Variants in CLSTN2 observed in about 807,000 individuals in gnomAD.
CLSTN2 encodes calsyntenin 2, also known as calsyntenin-2.
CLSTN2 carries 48 observed loss-of-function variants against 101.2 expected under a neutral mutation model. The observed-to-expected ratio is 0.47, with a 90% CI of 0.38 to 0.60. The LOEUF (loss-of-function observed/expected upper bound fraction) is 0.60. Among genes scored for constraint, CLSTN2 ranks in the 20% least tolerant of loss-of-function variants. The probability of loss-of-function intolerance (pLI) is 0.00; values close to 1 mark genes in which losing one functional copy is unlikely to be tolerated. For missense variants in CLSTN2, 1,160 were observed against 1,238.2 expected (o/e 0.94, Z 0.95); for synonymous variants, 481 against 463.6 (o/e 1.04, Z -0.48).
chr3:140,465,951 T>C (rs1933689661), intron 7 of CLSTN2, among the ~76,000 whole-genome samples: 1 of 152,224 alleles, frequency 6.6e-6, no homozygotes, highest in Non-Finnish European at 1.5e-5. Flanking sequence ...CCAGGATCCA[T>C]GACACGAAAT....
intron 1 of CLSTN2, among the ~76,000 whole-genome samples, chr3:139,936,771 A>G (rs187332690): frequency 1.3e-5 from 2 of 152,328 alleles, no homozygotes; most frequent in Non-Finnish European, 2.9e-5. Flanking sequence ...TGAGAAGAAC[A>G]TGGGAGATTA....
intron 10 of CLSTN2, among the ~76,000 whole-genome samples, chr3:140,552,170 T>C (rs1404612211): frequency 6.6e-6 from 1 of 152,110 alleles, no homozygotes; most frequent in African/African-American, 2.4e-5. Flanking sequence ...GTCGAATCTC[T>C]AAGAGAAGTC....
At chr3:140,222,186 G>A (rs556998968) in intron 2 of CLSTN2, among the ~76,000 whole-genome samples, 1 of 152,088 alleles carries the variant, frequency 6.6e-6, no homozygotes, top group East Asian at 1.9e-4. Flanking sequence ...TGGAACTGGA[G>A]GTCATTATGT....
chr3:140,026,143 G>GCA (rs1411376381), intron 1 of CLSTN2, among the ~76,000 whole-genome samples: 1 of 152,128 alleles, frequency 6.6e-6, no homozygotes, highest in African/African-American at 2.4e-5. Context: ...TCAAACCTCT[G>GCA]CACTTTAGTA....
In CLSTN2 at chr3:140,427,214, T is replaced by C. The variant is rs9845565; in HGVS notation, c.787+5940T>C. On this transcript the variant is annotated intron_variant, in intron 5 of 16. Transcript: ENST00000458420. ...ATATATATATATATATGTGTATATA[T>C]ATATATATATGTGTGTATATATATA... Among the ~76,000 whole-genome samples, 26 of 75,584 alleles carry C rather than the reference T, an allele frequency of 3.4e-4. 1 individual carries two copies. Among genetic ancestry groups the C allele is most frequent in the African/African-American group, 2.6e-3 (25 of 9,742 alleles). 49.6% of individuals were successfully genotyped at this position (75,584 alleles called of 152,430 possible).
At chr3:140,478,049 A>T (rs946978700) in intron 8 of CLSTN2, among the ~76,000 whole-genome samples, 26 of 152,300 alleles carry the variant, frequency 1.7e-4, no homozygotes, top group African/African-American at 5.3e-4. Context: ...TCATGGTGAA[A>T]AGGTAAGAAA....
intron 1 of CLSTN2, among the ~76,000 whole-genome samples, chr3:140,137,943 G>T (rs1287541102): frequency 6.6e-6 from 1 of 152,000 alleles, no homozygotes; most frequent in Non-Finnish European, 1.5e-5. Context: ...GGACTTTTGT[G>T]GGCTTGCTTG....
chr3:140,229,511 T>C (rs1000786943), intron 2 of CLSTN2, among the ~76,000 whole-genome samples: 8 of 151,830 alleles, frequency 5.3e-5, no homozygotes, highest in Admixed American at 1.3e-4. Flanking sequence ...TTTTTCTCCA[T>C]CCCAGGGCTC....
chr3:140,235,948 G>A (rs1346065493), intron 2 of CLSTN2, among the ~76,000 whole-genome samples: 1 of 152,162 alleles, frequency 6.6e-6, no homozygotes, highest in Non-Finnish European at 1.5e-5. Context: ...AAATAGGATG[G>A]TTTGTCATGG....
intron 1 of CLSTN2, among the ~76,000 whole-genome samples, chr3:140,014,610 A>G (rs1328305437): frequency 6.6e-6 from 1 of 152,162 alleles, no homozygotes. Context: ...CAAGGGTGTG[A>G]GGGAAGGAGA....
intron 2 of CLSTN2, among the ~76,000 whole-genome samples, chr3:140,338,137 T>G (rs978647973): frequency 2.0e-5 from 3 of 152,142 alleles, no homozygotes; most frequent in African/African-American, 7.2e-5. Context: ...ATGCAGAAGG[T>G]CATTGACCTT....
chr3:140,369,340 A>G (rs1250258334), intron 2 of CLSTN2, among the ~76,000 whole-genome samples: 4 of 152,232 alleles, frequency 2.6e-5, no homozygotes, highest in African/African-American at 9.6e-5. Context: ...AGATAGTTTT[A>G]TGTCATAGGT....
intron 5 of CLSTN2, among the ~76,000 whole-genome samples, chr3:140,441,242 C>A (rs371641567): frequency 6.6e-6 from 1 of 152,222 alleles, no homozygotes; most frequent in African/African-American, 2.4e-5. Flanking sequence ...CACTCTCTCC[C>A]CAGTCTGGTT....
chr3:140,053,974 G>T (rs1283768554), intron 1 of CLSTN2, among the ~76,000 whole-genome samples: 6 of 152,230 alleles, frequency 3.9e-5, no homozygotes, highest in Admixed American at 2.6e-4. Context: ...TTAGACTCGG[G>T]CCCAATACAA....
rs900273735 is a variant in CLSTN2 at position 139,935,308 on chromosome 3, C to T, written c.-67C>T. On this transcript the variant is annotated 5_prime_UTR_variant, in exon 1 of 17. Coordinates refer to ENST00000458420, the MANE Select transcript of CLSTN2 (RefSeq NM_022131.3). The surrounding 1 kb of genome is among the most constrained non-coding windows in gnomAD (Gnocchi z 5.5). ...GCGAGGCGGCCCACGGTGCGGCAGG[C>T]ACCGGGAGGCGAGAGCCGGCGCGGA... 3 of 865,676 alleles carry T rather than the reference C, an allele frequency of 3.5e-6. No homozygotes were observed. Among genetic ancestry groups the T allele is most frequent in the Non-Finnish European group, 4.6e-6 (3 of 657,788 alleles). 53.6% of individuals were successfully genotyped at this position (865,676 alleles called of 1,614,324 possible).
intron 1 of CLSTN2, among the ~76,000 whole-genome samples, chr3:140,088,836 A>C (rs913876971): frequency 1.3e-5 from 2 of 152,362 alleles, no homozygotes; most frequent in Admixed American, 6.5e-5. Flanking sequence ...ACAGAATTTC[A>C]TAGTATCTGT....
At chr3:140,493,713 G>A (rs1231274651) in intron 8 of CLSTN2, among the ~76,000 whole-genome samples, 1 of 152,198 alleles carries the variant, frequency 6.6e-6, no homozygotes, top group Non-Finnish European at 1.5e-5. Flanking sequence ...TCTGCTCTAC[G>A]AGCTTTGCCT....
chr3:140,102,275 C>A (rs947061561), intron 1 of CLSTN2, among the ~76,000 whole-genome samples: 4 of 152,176 alleles, frequency 2.6e-5, no homozygotes, highest in African/African-American at 9.7e-5. Flanking sequence ...GAGTTGACAT[C>A]CCCAAAGAGA....
intron 1 of CLSTN2, among the ~76,000 whole-genome samples, chr3:140,076,653 T>C (rs796802111): frequency 9.9e-4 from 107 of 107,694 alleles, no homozygotes; most frequent in South Asian, 1.5e-3. Context: ...TTTTTTTTTT[T>C]CCTAGCCTTC....
Sources: gnomAD v4.1 joint callset for allele counts (sites outside exome capture counted in the v4.1 genomes callset) on GRCh38, gnomAD v4.1.1 for gene constraint, Gnocchi (gnomAD v3.1) non-coding constraint, MANE v1.5 for transcripts, NCBI Gene and HGNC (gene_info 2026-07-23, HGNC 2026-07-21) for gene names.